RAPGEF2: variants seen among roughly 807,000 people sequenced by gnomAD.
RAPGEF2 encodes the protein Rap guanine nucleotide exchange factor 2.
RAPGEF2 carries 54 observed loss-of-function variants against 186.7 expected under a neutral mutation model. That is an observed-to-expected ratio of 0.29 (90% CI 0.23 to 0.36). The LOEUF is 0.36. Among genes scored for constraint, RAPGEF2 ranks in the 10% least tolerant of loss-of-function variants. RAPGEF2 has a pLI of 1.00. For synonymous variants in RAPGEF2, 712 were observed against 705.9 expected (o/e 1.01, Z -0.14); for missense variants, 1,532 against 2,045.0 (o/e 0.75, Z 4.84).
At chr4:159,293,561 T>G (rs1761520639) in intron 7 of RAPGEF2, among the ~76,000 whole-genome samples, 1 of 152,230 alleles carries the variant, frequency 6.6e-6, no homozygotes, top group Non-Finnish European at 1.5e-5. Context: ...GCCTACTTCT[T>G]CATAAGGAAT....
intron 4 of RAPGEF2, among the ~76,000 whole-genome samples, chr4:159,220,765 T>C (rs1253926093): frequency 6.6e-6 from 1 of 152,204 alleles, no homozygotes; most frequent in Non-Finnish European, 1.5e-5. Flanking sequence ...GTGGGCTCTA[T>C]TATTCATCTT....
chr4:159,319,235 G>A (rs1163917368), intron 9 of RAPGEF2, among the ~76,000 whole-genome samples: 1 of 152,194 alleles, frequency 6.6e-6, no homozygotes, highest in African/African-American at 2.4e-5. Context: ...CAGGAGGCGA[G>A]TGAAAGGTGA....
At chr4:159,217,282 C>T (rs1751077010) in intron 4 of RAPGEF2, among the ~76,000 whole-genome samples, 1 of 152,166 alleles carries the variant, frequency 6.6e-6, no homozygotes. Flanking sequence ...AGATAGTGAG[C>T]AAAGTATACA....
At chr4:159,164,038 C>G (rs190647079) in intron 1 of RAPGEF2, among the ~76,000 whole-genome samples, 1 of 151,594 alleles carries the variant, frequency 6.6e-6, no homozygotes, top group South Asian at 2.1e-4. Context: ...GGAGTCTCGC[C>G]GTGTCCCCCA....
Position 159,353,486 on chromosome 4 carries a change from G to T in RAPGEF2, c.4092-1G>T. On this transcript the variant is annotated splice_acceptor_variant, in intron 27 of 29. Transcript: ENST00000691494. LOFTEE classifies it high-confidence loss of function. This position sits in a 1 kb window ranked among gnomAD's most constrained non-coding sequence, Gnocchi z 4.3. ...CTTTTCCATTTCTTTTAACCACTTA[G>T]GTCCTATGCACCAATGTCCGAGGGC... 1 of 1,452,170 alleles carries T rather than the reference G, an allele frequency of 6.9e-7. No individual in the cohort carries two copies. Among genetic ancestry groups the T allele is most frequent in the Non-Finnish European group, 9.1e-7 (1 of 1,100,814 alleles). The allele number at this position is 1,452,170 out of a possible 1,614,324, so 90.0% of individuals were successfully genotyped here. A position where few individuals can be genotyped will look rare whatever the true frequency, so the allele number is the denominator to read the frequency against.
At chr4:159,152,605 TA>T (rs923265019) in intron 1 of RAPGEF2, among the ~76,000 whole-genome samples, 2 of 152,282 alleles carry the variant, frequency 1.3e-5, no homozygotes, top group African/African-American at 2.4e-5. Flanking sequence ...TTTCCCCTGT[TA>T]AAAACTTTTT....
intron 7 of RAPGEF2, among the ~76,000 whole-genome samples, chr4:159,247,579 C>T (rs1754787998): frequency 6.6e-6 from 1 of 151,876 alleles, no homozygotes; most frequent in South Asian, 2.1e-4. Context: ...TTTAAATAAA[C>T]TACTCTGGCT....
At chr4:159,230,072 A>G (rs951020326) in intron 4 of RAPGEF2, among the ~76,000 whole-genome samples, 2 of 152,204 alleles carry the variant, frequency 1.3e-5, no homozygotes, top group African/African-American at 4.8e-5. Context: ...ATTTATACAG[A>G]ACAATTTAGA....
At chr4:159,127,827 C>T (rs893576380) in intron 1 of RAPGEF2, among the ~76,000 whole-genome samples, 1 of 152,126 alleles carries the variant, frequency 6.6e-6, no homozygotes, top group African/African-American at 2.4e-5. Context: ...TATTTGAATA[C>T]AACATTGTTC....
chr4:159,335,371 A>T (rs1490574009), intron 17 of RAPGEF2, among the ~76,000 whole-genome samples: 1 of 152,170 alleles, frequency 6.6e-6, no homozygotes, highest in East Asian at 1.9e-4. Context: ...AAAGTGTTGG[A>T]GAGGTAGAAT....
Position 159,198,413 on chromosome 4 carries a change from C to CCTCTCT in RAPGEF2, c.197+5172_197+5177dup, listed in dbSNP as rs70962662. 3.5e-4 allele frequency among the ~76,000 whole-genome samples: 39 copies of CCTCTCT among 111,356 alleles called. 1 individual carries two copies. Among genetic ancestry groups the CCTCTCT allele is most frequent in the African/African-American group, 1.1e-3 (35 of 31,538 alleles). 73.1% of individuals were successfully genotyped at this position (111,356 alleles called of 152,430 possible). A position where few individuals can be genotyped will look rare whatever the true frequency, so the allele number is the denominator to read the frequency against. On this transcript the variant is annotated intron_variant, in intron 3 of 29. Transcript: ENST00000691494. ...CTTCCTTCCTCTCTCTTCCTCTCTT[C>CCTCTCT]CTCTCTCTCTCTCTCTCTCTTTCTT... is the stretch of plus-strand genomic sequence containing the variant.
chr4:159,173,735 CTG>C (rs977410192), intron 1 of RAPGEF2, among the ~76,000 whole-genome samples: 8 of 152,122 alleles, frequency 5.3e-5, no homozygotes, highest in African/African-American at 1.9e-4. Context: ...CCTCTGTTCT[CTG>C]TGTGTATACG....
intron 4 of RAPGEF2, among the ~76,000 whole-genome samples, chr4:159,223,308 C>T (rs1751715495): frequency 1.3e-5 from 2 of 152,048 alleles, no homozygotes. Flanking sequence ...AACATTAAAT[C>T]ACTGTTTTCT....
Position 159,346,975 on chromosome 4 carries a change from C to G in RAPGEF2, c.3689C>G (p.Pro1230Arg). Residue 1230 changes from proline (P) to arginine (R), a missense_variant, in exon 25 of 30, where the codon CCC becomes CGC. By Grantham distance (103) the Pro-to-Arg change is moderately radical. Coordinates refer to ENST00000691494, the MANE Select transcript of RAPGEF2 (RefSeq NM_001394067.2). ...CTTTATCCTTCACGGAAGAAAGTGCCCGTAAAGGATCTCCCACCTTTTGGT... is the reference window on the plus strand; with the variant it reads ...CTTTATCCTTCACGGAAGAAAGTGCGCGTAAAGGATCTCCCACCTTTTGGT... ...VSLYPSRKKVPVKDLPPFGIN... is the reference protein window; with the variant it reads ...VSLYPSRKKVRVKDLPPFGIN... 1 of 1,613,970 alleles carries G rather than the reference C, an allele frequency of 6.2e-7. No homozygotes were observed. The highest frequency in any genetic ancestry group is 8.5e-7 in the Non-Finnish European group (1 of 1,179,844).
intron 4 of RAPGEF2, among the ~76,000 whole-genome samples, 152 bp from the exon 5 acceptor site, chr4:159,238,657 T>A (rs962142165): frequency 6.6e-6 from 1 of 152,260 alleles, no homozygotes; most frequent in African/African-American, 2.4e-5. Flanking sequence ...TCATTCTGTG[T>A]AAATTATTAA....
At chr4:159,171,399 A>G (rs1046017311) in intron 1 of RAPGEF2, among the ~76,000 whole-genome samples, 5 of 152,172 alleles carry the variant, frequency 3.3e-5, no homozygotes, top group Non-Finnish European at 7.4e-5. Context: ...TTACGGGTGG[A>G]GAGACTGAGC....
intron 8 of RAPGEF2, among the ~76,000 whole-genome samples, chr4:159,309,993 A>ATAAAAC (rs1554033393): frequency 1.5e-5 from 2 of 129,520 alleles, no homozygotes; most frequent in African/African-American, 9.8e-5. Context: ...TGTTTTAATA[A>ATAAAAC]AGGATCAAAA....
chr4:159,132,725 C>G (rs906904632), intron 1 of RAPGEF2, among the ~76,000 whole-genome samples: 12 of 152,098 alleles, frequency 7.9e-5, no homozygotes, highest in African/African-American at 2.7e-4. Flanking sequence ...AGGTTAAATA[C>G]AGTCTTTTAC....
chr4:159,169,516 A>C (rs1224089314), intron 1 of RAPGEF2, among the ~76,000 whole-genome samples: 2 of 152,136 alleles, frequency 1.3e-5, no homozygotes, highest in African/African-American at 4.8e-5. Context: ...ACCATGTTGT[A>C]CATTAGAGCT....
Sources: allele counts gnomAD v4.1 joint callset (sites outside exome capture counted in the v4.1 genomes callset), GRCh38; gene constraint gnomAD v4.1.1; non-coding constraint Gnocchi (gnomAD v3.1); transcripts MANE v1.5; gene names NCBI Gene and HGNC (gene_info 2026-07-23, HGNC 2026-07-21).